C16orf46: variants seen among roughly 807,000 people sequenced by gnomAD.
C16orf46 encodes the protein uncharacterized protein C16orf46.
A neutral mutation model predicts 5.5 loss-of-function variants in C16orf46; 7 were observed. The observed-to-expected ratio is 1.28, with a 90% confidence interval of 0.73 to 2.40. The LOEUF (loss-of-function observed/expected upper bound fraction) is 2.40. Among genes scored for constraint, C16orf46 ranks in the 30% most tolerant of loss-of-function variants. C16orf46 has a pLI of 0.00. For missense variants in C16orf46, 614 were observed against 476.0 expected (o/e 1.29, Z -2.70); for synonymous variants, 200 against 184.1 (o/e 1.09, Z -0.70).
chr16:81,066,934 C>A (rs900966988), intron 1 of C16orf46, among the ~76,000 whole-genome samples: 1 of 152,116 alleles, frequency 6.6e-6, no homozygotes, highest in Non-Finnish European at 1.5e-5. Context: ...GAGTATAAAG[C>A]GGGAAAGCTC....
At chr16:81,076,486 TC>T (rs1410514903) in intron 1 of C16orf46, 1 of 152,236 alleles carries the variant, frequency 6.6e-6, no homozygotes, top group African/African-American at 2.4e-5. Context: ...ACACCATCCC[TC>T]CCGATCAGAC....
In C16orf46 at chr16:81,061,998, AG is replaced by A; in HGVS notation, c.350del (p.Pro117LeufsTer87). On this transcript the variant is annotated frameshift_variant, in exon 4 of 4. Coordinates refer to ENST00000299578, the MANE Select transcript of C16orf46 (RefSeq NM_152337.3). LOFTEE classifies it low-confidence loss of function (END_TRUNC). ...NLSHWSLQTK[P>X]PTEGGPEKDQ... Reference sequence around the variant, plus strand: ...CCTTCTCTGGGCCCCCCTCAGTAGGAGGCTTGGTCTGGAGGCTCCAGTGGGA... The same window carrying A: ...CCTTCTCTGGGCCCCCCTCAGTAGGAGCTTGGTCTGGAGGCTCCAGTGGGA... 1 of 1,614,044 alleles carries A rather than the reference AG, an allele frequency of 6.2e-7. No homozygotes were observed. Among genetic ancestry groups the A allele is most frequent in the Non-Finnish European group, 8.5e-7 (1 of 1,180,008 alleles).
intron 1 of C16orf46, among the ~76,000 whole-genome samples, chr16:81,074,673 A>G (rs900099761): frequency 1.3e-5 from 2 of 151,194 alleles, no homozygotes; most frequent in African/African-American, 4.9e-5. Context: ...ATGAGCCACC[A>G]CACCCAACCC....
rs57951685 is a variant in C16orf46, at chr16:81,075,679, G to A, written c.-128+1457C>T. Among the ~76,000 whole-genome samples, 51 of 152,258 alleles carry A rather than the reference G, an allele frequency of 3.3e-4. 1 individual carries two copies. The East Asian group carries it at 9.6e-3, about 29-fold the overall frequency. On this transcript the variant is annotated intron_variant, in intron 1 of 3. Coordinates refer to ENST00000299578, the MANE Select transcript of C16orf46 (RefSeq NM_152337.3). ...AGAAGGATCTTATGACCTGACTATA[G>A]CAGGAAAAATTTCTGGGGTTGATTA...
intron 3 of C16orf46, among the ~76,000 whole-genome samples, chr16:81,054,288 AAAC>A (rs1971234267): frequency 6.6e-6 from 1 of 151,946 alleles, no homozygotes. Context: ...CAACAAAAAA[AAAC>A]AACAAAAATA....
At chr16:81,058,336 T>C (rs1419989944), downstream of C16orf46, among the ~76,000 whole-genome samples, 1 of 152,222 alleles carries the variant, frequency 6.6e-6, no homozygotes, top group Admixed American at 6.5e-5. Flanking sequence ...CAAGAAAATA[T>C]ACAGATGCTT....
At chr16:81,076,468 C>T (rs1332084919) in intron 1 of C16orf46, 1 of 152,210 alleles carries the variant, frequency 6.6e-6, no homozygotes, top group Non-Finnish European at 1.5e-5. Context: ...CCAAGGAGCG[C>T]AGTTTCTACA....
chr16:81,068,615 G>A (rs1207597699), intron 1 of C16orf46, among the ~76,000 whole-genome samples: 2 of 141,638 alleles, frequency 1.4e-5, no homozygotes, highest in African/African-American at 5.2e-5. Flanking sequence ...GACCAGGCTG[G>A]TCTCAAACTC....
At chr16:81,053,894 G>C in exon 4 of C16orf46, 1 of 608,396 alleles carries the variant, frequency 1.6e-6, no homozygotes, top group Non-Finnish European at 2.9e-6. Context: ...ACCATGGCAG[G>C]TGTAAATAAG....
Position 81,061,079 on chromosome 16 carries a change from G to T in C16orf46, c.*82C>A. On this transcript the variant is annotated 3_prime_UTR_variant, in exon 4 of 4. Coordinates refer to ENST00000299578, the MANE Select transcript of C16orf46 (RefSeq NM_152337.3). ...AGGAGAGAAAGAGAGAGTGGGGGGTGGGTGGGAAATGAGAGAGAAGAAAGA... is the reference window on the plus strand; with the variant it reads ...AGGAGAGAAAGAGAGAGTGGGGGGTTGGTGGGAAATGAGAGAGAAGAAAGA... 6.8e-7 allele frequency: 1 copy of T among 1,477,080 alleles called. No individual in the cohort carries two copies. Among genetic ancestry groups the T allele is most frequent in the South Asian group, 1.4e-5 (1 of 71,242 alleles). The allele number at this position is 1,477,080 out of a possible 1,614,324, so 91.5% of individuals were successfully genotyped here.
chr16:81,057,447 T>C (rs921467917), downstream of C16orf46, among the ~76,000 whole-genome samples: 3 of 150,360 alleles, frequency 2.0e-5, no homozygotes, highest in African/African-American at 7.4e-5. Context: ...TACTCGTGAG[T>C]CTGAGGCAGG....
chr16:81,074,408 C>G (rs2151760132), intron 1 of C16orf46, among the ~76,000 whole-genome samples: 1 of 151,242 alleles, frequency 6.6e-6, no homozygotes, highest in African/African-American at 2.4e-5. Context: ...TTTTTTTAGA[C>G]AGAGTCTCGC....
At chr16:81,054,128 T>C (rs753589779) in intron 3 of C16orf46, 3 of 1,601,310 alleles carry the variant, frequency 1.9e-6, no homozygotes, top group Admixed American at 1.7e-5. Flanking sequence ...TCAGAAAATG[T>C]AGAGCCCATG....
At chr16:81,062,309 T>TA (rs201312033) in intron 3 of C16orf46, among the ~76,000 whole-genome samples, 171 bp from the exon 4 acceptor site, 13 of 149,546 alleles carry the variant, frequency 8.7e-5, no homozygotes, top group African/African-American at 2.0e-4. Flanking sequence ...TTCATTCACT[T>TA]AAAAAAAAAA....
In C16orf46 at chr16:81,068,909, T is replaced by C. The variant is rs190068281; in HGVS notation, c.-127-2628A>G. Among the ~76,000 whole-genome samples the C allele has an allele frequency of 4.6e-5, 7 of 152,016 alleles. No homozygotes were observed. The East Asian group carries it at 1.2e-3, about 25-fold the overall frequency. On this transcript the variant is annotated intron_variant, in intron 1 of 3. Coordinates refer to ENST00000299578, the MANE Select transcript of C16orf46 (RefSeq NM_152337.3). ...TAGTAGAGACAGGGTTTCACCATGTTGGCCAAGCTGGTCATGAACTCCTGA... is the reference window on the plus strand; with the variant it reads ...TAGTAGAGACAGGGTTTCACCATGTCGGCCAAGCTGGTCATGAACTCCTGA...
chr16:81,058,732 T>TG (rs1173178709), downstream of C16orf46, among the ~76,000 whole-genome samples: 3 of 152,236 alleles, frequency 2.0e-5, no homozygotes, highest in Non-Finnish European at 4.4e-5. Context: ...AGATCTCTGT[T>TG]GGAGTTCAAC....
In C16orf46 at chr16:81,061,300, G is replaced by C; in HGVS notation, c.1049C>G (p.Thr350Ser). 6.2e-7 allele frequency: 1 copy of C among 1,614,110 alleles called. No homozygotes were observed. Among genetic ancestry groups the C allele is most frequent in the Non-Finnish European group, 8.5e-7 (1 of 1,180,028 alleles). The change falls in exon 4 of 4, where the codon ACC (threonine) becomes AGC (serine). Residue 350 changes from threonine to serine, a missense_variant. Coordinates refer to ENST00000299578, the MANE Select transcript of C16orf46 (RefSeq NM_152337.3). ...KAKEPRSPVI[T>S]RKHVLPKAKQ... is the part of the protein sequence containing the mutation. ...GGCCTTTGGGAGAACATGCTTTCGG[G>C]TGATCACAGGAGATCTTGGCTCCTT...
chr16:81,070,580 C>A (rs527683573), intron 1 of C16orf46, among the ~76,000 whole-genome samples: 2 of 152,138 alleles, frequency 1.3e-5, no homozygotes, highest in Non-Finnish European at 2.9e-5. Flanking sequence ...GGTGTTGCAA[C>A]AATTAACCGT....
rs142733571 is a variant in C16orf46 at position 81,071,006 on chromosome 16, C to T, written c.-127-4725G>A. On this transcript the variant is annotated intron_variant, in intron 1 of 3. Transcript: ENST00000299578. ...ATAATTTTCATGTCTTGAACCACCA[C>T]GCCATGGTTTTCCGACTCCAGAGTC... 2.3e-3 allele frequency among the ~76,000 whole-genome samples: 344 copies of T among 152,244 alleles called. 1 individual carries two copies. The highest frequency in any genetic ancestry group is 7.9e-3 in the African/African-American group (327 of 41,560).
Sources: allele counts gnomAD v4.1 joint callset (sites outside exome capture counted in the v4.1 genomes callset), GRCh38; gene constraint gnomAD v4.1.1; transcripts MANE v1.5; gene names NCBI Gene and HGNC (gene_info 2026-07-23, HGNC 2026-07-21).